Variants in STON1 observed in about 807,000 individuals in gnomAD.
STON1 encodes stonin 1.
In STON1, 79 loss-of-function variants were observed where a neutral mutation model predicts 60.9. The observed-to-expected ratio is 1.30, with a 90% CI of 1.08 to 1.56. The LOEUF is 1.56. STON1 is among the 40% of genes most tolerant of loss of function. The pLI is 0.00. For synonymous variants in STON1, 363 were observed against 306.9 expected (o/e 1.18, Z -1.91); for missense variants, 1,166 against 858.9 (o/e 1.36, Z -4.47).
intron 1 of STON1, among the ~76,000 whole-genome samples, chr2:48,554,715 T>TA (rs1182782251): frequency 0.028 from 2,708 of 97,586 alleles, 568 homozygotes; most frequent in African/African-American, 0.095. Flanking sequence ...AAATTTTTTT[T>TA]TTTTTTTTTT....
chr2:48,555,314 G>T (rs1384156413), intron 1 of STON1, among the ~76,000 whole-genome samples: 6 of 39,822 alleles, frequency 1.5e-4, no homozygotes, highest in African/African-American at 3.8e-4. Flanking sequence ...TGGCCGGGCG[G>T]GGGGGGCTGA....
chr2:48,564,458 CTT>C (rs1398282038), intron 1 of STON1, among the ~76,000 whole-genome samples: 1 of 54,296 alleles, frequency 1.8e-5, no homozygotes, highest in African/African-American at 7.0e-5. Flanking sequence ...TCTTCTTCTT[CTT>C]CTTCTTCTTC....
intron 1 of STON1, chr2:48,531,797 C>G (rs1340857826): frequency 6.6e-6 from 1 of 152,134 alleles, no homozygotes. Flanking sequence ...TTAGCCATTC[C>G]TGTTTCCATA....
intron 1 of STON1, among the ~76,000 whole-genome samples, chr2:48,572,251 C>T (rs530524271): frequency 3.9e-5 from 6 of 152,124 alleles, no homozygotes; most frequent in African/African-American, 1.4e-4. Context: ...GGCCTCCCCT[C>T]GACAATGGGG....
At chr2:48,585,908 C>G (rs893313732) in intron 2 of STON1, among the ~76,000 whole-genome samples, 3 of 152,238 alleles carry the variant, frequency 2.0e-5, no homozygotes, top group Non-Finnish European at 4.4e-5. Context: ...TTTGCATAGA[C>G]TTGAAGTGGT....
chr2:48,565,696 C>T (rs1266810107), intron 1 of STON1, among the ~76,000 whole-genome samples: 1 of 152,164 alleles, frequency 6.6e-6, no homozygotes, highest in African/African-American at 2.4e-5. Flanking sequence ...TAGCTTCCTC[C>T]TGACTGGAGA....
chr2:48,537,676 C>G (rs1361423923), intron 1 of STON1, among the ~76,000 whole-genome samples: 1 of 151,788 alleles, frequency 6.6e-6, no homozygotes, highest in Non-Finnish European at 1.5e-5. Flanking sequence ...TGGCGAAACC[C>G]TATCTCTACT....
chr2:48,559,410 A>T (rs1672517831), intron 1 of STON1, among the ~76,000 whole-genome samples: 1 of 152,132 alleles, frequency 6.6e-6, no homozygotes, highest in Admixed American at 6.6e-5. Flanking sequence ...GTGTTCTCAG[A>T]TGGCGGAAGG....
intron 1 of STON1, among the ~76,000 whole-genome samples, chr2:48,573,161 G>A (rs967177719): frequency 6.6e-6 from 1 of 152,166 alleles, no homozygotes; most frequent in Non-Finnish European, 1.5e-5. Context: ...TTTCCCACGG[G>A]CATGATTCCA....
At chr2:48,559,713 T>TCTTTTC (rs1299124959) in intron 1 of STON1, among the ~76,000 whole-genome samples, 1 of 152,170 alleles carries the variant, frequency 6.6e-6, no homozygotes, top group African/African-American at 2.4e-5. Flanking sequence ...CTCTCTAACT[T>TCTTTTC]CTAAGCCCTT....
chr2:48,536,322 C>T (rs1486802374), intron 1 of STON1, among the ~76,000 whole-genome samples: 4 of 152,112 alleles, frequency 2.6e-5, no homozygotes, highest in African/African-American at 7.2e-5. Context: ...CCAAGGTGGG[C>T]AGATCACCTG....
At chr2:48,576,835 A>G (rs554811080) in intron 1 of STON1, among the ~76,000 whole-genome samples, 1 of 150,954 alleles carries the variant, frequency 6.6e-6, no homozygotes, top group Admixed American at 6.6e-5. Flanking sequence ...CGGGTGGAGC[A>G]CAAGTTCAGG....
intron 1 of STON1, among the ~76,000 whole-genome samples, chr2:48,559,901 A>G (rs11681868): frequency 0.34 from 52,336 of 151,938 alleles, 9,175 homozygotes; most frequent in South Asian, 0.41. Flanking sequence ...AATGGTAGAG[A>G]TCCTGGGTGA....
At chr2:48,592,970 A>G (rs1397913162) in intron 3 of STON1, among the ~76,000 whole-genome samples, 2 of 152,102 alleles carry the variant, frequency 1.3e-5, no homozygotes. Flanking sequence ...TCTTAGGCAG[A>G]TGAACTAAAG....
rs370396546 is a variant in STON1, at chr2:48,595,505, G to A, written c.*203G>A. ...TCATGTGTTTTTGTCCTAGGGGTTC[G>A]ATCTAAAATGTTTCTATAATTCGTG... On this transcript the variant is annotated 3_prime_UTR_variant, in exon 4 of 4. Transcript: ENST00000404752. The A allele has an allele frequency of 3.1e-5, 16 of 518,932 alleles. No individual in the cohort carries two copies. The highest frequency in any genetic ancestry group is 3.0e-4 in the African/African-American group (15 of 50,752). 32.1% of individuals were successfully genotyped at this position (518,932 alleles called of 1,614,324 possible). A position where few individuals can be genotyped will look rare whatever the true frequency, so the allele number is the denominator to read the frequency against.
chr2:48,551,525 C>T (rs1672105301), intron 1 of STON1, among the ~76,000 whole-genome samples: 3 of 152,238 alleles, frequency 2.0e-5, no homozygotes. Context: ...AAGTCTCTGC[C>T]AGCTGTGGCT....
At position 48,598,476 on chromosome 2, in the gene STON1, T is replaced by A. The variant is rs903841604; in HGVS notation, c.*3174T>A. On this transcript the variant is annotated 3_prime_UTR_variant, in exon 4 of 4. Transcript: ENST00000404752. Reference sequence around the variant, plus strand: ...GTAACAAAATATTTTGTAGATTACATATTGATTTTTCAAAAATTAAAAATG... The same window carrying A: ...GTAACAAAATATTTTGTAGATTACAAATTGATTTTTCAAAAATTAAAAATG... 2.0e-5 allele frequency: 3 copies of A among 152,666 alleles called. No homozygotes were observed. The highest frequency in any genetic ancestry group is 7.2e-5 in the African/African-American group (3 of 41,476). 9.5% of individuals were successfully genotyped at this position (152,666 alleles called of 1,614,324 possible).
chr2:48,566,647 A>T (rs1182175737), intron 1 of STON1, among the ~76,000 whole-genome samples: 4 of 152,216 alleles, frequency 2.6e-5, no homozygotes, highest in Admixed American at 6.5e-5. Context: ...AATTACAAAA[A>T]GTGGGAAGGA....
At chr2:48,558,220 C>T (rs1257290019) in intron 1 of STON1, among the ~76,000 whole-genome samples, 2 of 152,194 alleles carry the variant, frequency 1.3e-5, no homozygotes. Context: ...GAAACTCTGT[C>T]TGTCTCAAAA....
Sources: gnomAD v4.1 joint callset for allele counts (sites outside exome capture counted in the v4.1 genomes callset) on GRCh38, gnomAD v4.1.1 for gene constraint, MANE v1.5 for transcripts, NCBI Gene and HGNC (gene_info 2026-07-23, HGNC 2026-07-21) for gene names.